LNX1: variants seen among roughly 807,000 people sequenced by gnomAD.
LNX1 encodes E3 ubiquitin-protein ligase LNX.
A neutral mutation model predicts 68.4 loss-of-function variants in LNX1; 54 were observed. The ratio of observed to expected loss-of-function variants is 0.79; its 90% CI spans 0.63 to 0.99. The LOEUF is 0.99. Ranked by LOEUF, LNX1 falls within the 50% of genes least tolerant of loss-of-function variation. The pLI, the probability that LNX1 is intolerant of heterozygous loss-of-function variation, is 0.00. For missense variants in LNX1, 906 were observed against 926.4 expected (o/e 0.98, Z 0.29); for synonymous variants, 336 against 350.0 (o/e 0.96, Z 0.45).
rs756764845 is a variant in LNX1, at chr4:53,608,184, T to A, written c.-215+8333A>T. Among the ~76,000 whole-genome samples the A allele has an allele frequency of 3.3e-5, 5 of 152,158 alleles. 1 individual carries two copies. Among genetic ancestry groups the A allele is most frequent in the Admixed American group, 2.0e-4 (3 of 15,274 alleles). ...TGATCAACAGAGTAAACAGACAGCC[T>A]ACAGTATGGGAGAAAATATTTGTAA... On this transcript the variant is annotated intron_variant, in intron 2 of 3. Transcript: ENST00000504299.
chr4:53,634,619 T>A (rs1734397231), intron 1 of LNX1, among the ~76,000 whole-genome samples: 1 of 151,968 alleles, frequency 6.6e-6, no homozygotes, highest in South Asian at 2.1e-4. Flanking sequence ...CTGGTGGAGC[T>A]ACAATCACAG....
At chr4:53,599,478 G>T (rs1281410960) in intron 2 of LNX1, among the ~76,000 whole-genome samples, 1 of 152,170 alleles carries the variant, frequency 6.6e-6, no homozygotes, top group Admixed American at 6.5e-5. Context: ...ATAAAAATGG[G>T]CAACCAGCAG....
chr4:53,464,456 AAT>A (rs904080391), intron 9 of LNX1, among the ~76,000 whole-genome samples: 3 of 152,222 alleles, frequency 2.0e-5, no homozygotes, highest in Non-Finnish European at 4.4e-5. Context: ...GTACCTAACA[AAT>A]ATAAAATGTT....
At chr4:53,568,139 C>G (rs1261486985) in intron 2 of LNX1, among the ~76,000 whole-genome samples, 1 of 152,036 alleles carries the variant, frequency 6.6e-6, no homozygotes, top group Non-Finnish European at 1.5e-5. Flanking sequence ...CTCCCTAACT[C>G]ATTTTATGAG....
At chr4:53,490,948 A>G (rs80279096) in intron 6 of LNX1, among the ~76,000 whole-genome samples, 2,679 of 152,278 alleles carry the variant, frequency 0.018, 84 homozygotes, top group African/African-American at 0.061. Flanking sequence ...CCTGCTTATA[A>G]AGCACGTTGG....
At chr4:53,490,176 C>T (rs972404999) in intron 6 of LNX1, among the ~76,000 whole-genome samples, 2 of 152,062 alleles carry the variant, frequency 1.3e-5, no homozygotes, top group African/African-American at 4.8e-5. Flanking sequence ...TTGATGAAAG[C>T]CCCTATTATC....
rs185999293 is a variant in LNX1, at chr4:53,542,931, C to G, written c.380+30692G>C. On this transcript the variant is annotated intron_variant, in intron 2 of 10. Coordinates refer to ENST00000263925, the MANE Select transcript of LNX1 (RefSeq NM_001126328.3). Reference sequence around the variant, plus strand: ...TGAGCCCACCCAGGTGCCAGCTCCTCTAACGTGGTTCTCACTTGCTACTCA... The same window carrying G: ...TGAGCCCACCCAGGTGCCAGCTCCTGTAACGTGGTTCTCACTTGCTACTCA... 3.1e-3 allele frequency among the ~76,000 whole-genome samples: 478 copies of G among 152,314 alleles called. 3 individuals carry two copies. The highest frequency in any genetic ancestry group is 5.3e-3 in the Non-Finnish European group (358 of 68,038).
intron 4 of LNX1, among the ~76,000 whole-genome samples, chr4:53,499,446 A>G (rs1725321142): frequency 6.6e-6 from 1 of 151,940 alleles, no homozygotes; most frequent in Non-Finnish European, 1.5e-5. Flanking sequence ...GGTGTGAGTC[A>G]CCTCTCCCAG....
In LNX1 at chr4:53,576,793, A is replaced by G. The variant is rs143108165; in HGVS notation, c.-86-2705T>C. Among the ~76,000 whole-genome samples the G allele has an allele frequency of 9.8e-5, 15 of 152,362 alleles. No homozygotes were observed. In the East Asian group the frequency reaches 2.9e-3, roughly 29 times the overall value. On this transcript the variant is annotated intron_variant, in intron 1 of 10. Coordinates refer to ENST00000263925, the MANE Select transcript of LNX1 (RefSeq NM_001126328.3). ...TAGCCACATTTGGAAACAGCCCAGC[A>G]GTCATAAACTGTATTATATCTCTTT... is the stretch of plus-strand genomic sequence containing the variant.
At chr4:53,597,648 C>T (rs999109554) in intron 2 of LNX1, among the ~76,000 whole-genome samples, 9 of 152,180 alleles carry the variant, frequency 5.9e-5, no homozygotes, top group African/African-American at 2.2e-4. Flanking sequence ...TGAGTCTCTC[C>T]AGGGCAGATT....
intron 9 of LNX1, among the ~76,000 whole-genome samples, chr4:53,464,511 A>G (rs1353643017): frequency 4.4e-5 from 1 of 22,860 alleles, no homozygotes; most frequent in East Asian, 1.0e-3. Flanking sequence ...GGAGATTAAT[A>G]TGGACAATCA....
At chr4:53,639,012 C>G (rs1392353342) in intron 1 of LNX1, among the ~76,000 whole-genome samples, 1 of 152,150 alleles carries the variant, frequency 6.6e-6, no homozygotes, top group Admixed American at 6.5e-5. Flanking sequence ...ACAAACTGTT[C>G]TACCAAAAAG....
At chr4:53,647,140 C>T (rs911116780) in intron 1 of LNX1, among the ~76,000 whole-genome samples, 1 of 152,234 alleles carries the variant, frequency 6.6e-6, no homozygotes, top group Non-Finnish European at 1.5e-5. Flanking sequence ...CAGCCTCACA[C>T]TGGGTCTGTT....
intron 2 of LNX1, among the ~76,000 whole-genome samples, chr4:53,568,207 A>G (rs915582352): frequency 8.5e-5 from 13 of 152,078 alleles, no homozygotes; most frequent in Non-Finnish European, 1.9e-4. Flanking sequence ...AGAGAATTTT[A>G]GACCAATATC....
chr4:53,612,930 A>T (rs1237181459), intron 2 of LNX1, among the ~76,000 whole-genome samples: 1 of 151,874 alleles, frequency 6.6e-6, no homozygotes, highest in Non-Finnish European at 1.5e-5. Flanking sequence ...TGACAGGAAG[A>T]ATTTTAAAGG....
intron 1 of LNX1, among the ~76,000 whole-genome samples, chr4:53,624,129 A>G (rs866612967): frequency 6.6e-5 from 10 of 151,708 alleles, no homozygotes; most frequent in African/African-American, 2.4e-4. Flanking sequence ...TCTACTCATC[A>G]CCTACATGCA....
intron 2 of LNX1, among the ~76,000 whole-genome samples, chr4:53,534,357 G>A (rs1355829234): frequency 6.6e-6 from 1 of 152,134 alleles, no homozygotes; most frequent in African/African-American, 2.4e-5. Context: ...AGGAATTAGT[G>A]GTGGGGTGCA....
In LNX1 at chr4:53,507,455, T is replaced by C. The variant is rs576351722; in HGVS notation, c.637A>G (p.Arg213Gly). 291 of 1,613,976 alleles carry C rather than the reference T, an allele frequency of 1.8e-4. No homozygotes were observed. The highest frequency in any genetic ancestry group is 2.4e-4 in the Non-Finnish European group (278 of 1,179,958). The change falls in exon 4 of 11, where the codon AGA becomes GGA. Residue 213 changes from arginine to glycine, a missense_variant. Physicochemically the swap from Arg to Gly is moderately radical, Grantham distance 125. Transcript: ENST00000263925. ...SNRTRARPFE[R>G]STIRSRSFKK... Reference sequence around the variant, plus strand: ...AATGATCTGCTTCTAATAGTGGATCTCTCAAAGGGCCGTGCTGAGGAATAG... The same window carrying C: ...AATGATCTGCTTCTAATAGTGGATCCCTCAAAGGGCCGTGCTGAGGAATAG...
intron 2 of LNX1, among the ~76,000 whole-genome samples, chr4:53,538,263 T>A: frequency 6.6e-6 from 1 of 152,324 alleles, no homozygotes; most frequent in East Asian, 1.9e-4. Flanking sequence ...CCCTTTCCAC[T>A]GGACTGCCTA....
Sources: allele counts gnomAD v4.1 joint callset (sites outside exome capture counted in the v4.1 genomes callset), GRCh38; gene constraint gnomAD v4.1.1; transcripts MANE v1.5; gene names NCBI Gene and HGNC (gene_info 2026-07-23, HGNC 2026-07-21).